CHN2: variants seen among roughly 807,000 people sequenced by gnomAD.
CHN2 encodes beta-chimaerin.
Under a neutral mutation model 56.3 loss-of-function variants are expected in CHN2, and 35 were observed. That is an observed-to-expected ratio of 0.62 (90% CI 0.47 to 0.82). The LOEUF (loss-of-function observed/expected upper bound fraction) is 0.82. Ranked by LOEUF, CHN2 falls within the 40% of genes least tolerant of loss-of-function variation. CHN2 has a pLI of 0.00. For missense variants in CHN2, 491 were observed against 580.5 expected (o/e 0.85, Z 1.58); for synonymous variants, 210 against 212.8 (o/e 0.99, Z 0.12).
At chr7:29,359,472 G>T (rs140214483) in intron 2 of CHN2, among the ~76,000 whole-genome samples, 1 of 152,120 alleles carries the variant, frequency 6.6e-6, no homozygotes, top group Non-Finnish European at 1.5e-5. Context: ...GATGGATAAG[G>T]TCGGCTGTTG....
chr7:29,344,009 C>T (rs1301331669), intron 1 of CHN2, among the ~76,000 whole-genome samples: 2 of 152,200 alleles, frequency 1.3e-5, no homozygotes, highest in Non-Finnish European at 2.9e-5. Flanking sequence ...ACTACCCATC[C>T]AGATGCTTAA....
At chr7:29,341,385 C>T (rs926363248) in intron 1 of CHN2, among the ~76,000 whole-genome samples, 1 of 152,162 alleles carries the variant, frequency 6.6e-6, no homozygotes, top group Non-Finnish European at 1.5e-5. Flanking sequence ...ATTAACCGCA[C>T]CAATTGTTAT....
chr7:29,316,513 C>G (rs919084470), intron 1 of CHN2, among the ~76,000 whole-genome samples: 5 of 152,148 alleles, frequency 3.3e-5, no homozygotes, highest in Admixed American at 2.6e-4. Flanking sequence ...TATTTTCTGA[C>G]ACAGTTCAGT....
intron 1 of CHN2, among the ~76,000 whole-genome samples, chr7:29,209,373 G>A (rs1045027258): frequency 2.0e-5 from 3 of 152,124 alleles, no homozygotes; most frequent in African/African-American, 7.2e-5. Context: ...TGAGAGCCAA[G>A]CAATTAGTGC....
chr7:29,298,874 T>TA (rs34520366), intron 1 of CHN2, among the ~76,000 whole-genome samples: 54 of 151,624 alleles, frequency 3.6e-4, no homozygotes, highest in South Asian at 1.7e-3. Context: ...TCATTTTTGT[T>TA]AAAAAAAAAA....
intron 1 of CHN2, among the ~76,000 whole-genome samples, chr7:29,224,752 A>G (rs951672617): frequency 5.3e-5 from 8 of 152,346 alleles, no homozygotes; most frequent in Middle Eastern, 6.8e-3. Flanking sequence ...TATAGTTGCT[A>G]AAGTGCTATT....
At chr7:29,462,040 C>G (rs981119386) in intron 6 of CHN2, among the ~76,000 whole-genome samples, 2 of 152,164 alleles carry the variant, frequency 1.3e-5, no homozygotes, top group Non-Finnish European at 2.9e-5. Flanking sequence ...GTACTTGGAA[C>G]AGTGTTTTTC....
At chr7:29,478,727 T>C (rs933436538) in intron 6 of CHN2, among the ~76,000 whole-genome samples, 1 of 152,206 alleles carries the variant, frequency 6.6e-6, no homozygotes, top group Non-Finnish European at 1.5e-5. Context: ...CTCACACCCA[T>C]ATGCTGCAGA....
chr7:29,321,331 G>A (rs558779599), intron 1 of CHN2, among the ~76,000 whole-genome samples: 3 of 152,226 alleles, frequency 2.0e-5, no homozygotes, highest in African/African-American at 4.8e-5. Flanking sequence ...CACATGGAAC[G>A]CACATGCCAG....
At chr7:29,171,182 A>G (rs1796560436) in intron 2 of CHN2, among the ~76,000 whole-genome samples, 1 of 152,180 alleles carries the variant, frequency 6.6e-6, no homozygotes, top group South Asian at 2.1e-4. Context: ...AACATTGCTT[A>G]CATACGCACT....
intron 2 of CHN2, among the ~76,000 whole-genome samples, chr7:29,174,962 AT>A (rs1311757688): frequency 6.6e-6 from 1 of 152,118 alleles, no homozygotes; most frequent in African/African-American, 2.4e-5. Context: ...AAATATAAAA[AT>A]TGTATTCATC....
intron 6 of CHN2, among the ~76,000 whole-genome samples, chr7:29,406,206 C>T (rs963483544): frequency 1.3e-5 from 2 of 152,132 alleles, no homozygotes; most frequent in Non-Finnish European, 2.9e-5. Context: ...AAGCCTGAGA[C>T]TGGGGTTTGG....
intron 3 of CHN2, among the ~76,000 whole-genome samples, chr7:29,382,129 A>G (rs993074559): frequency 6.6e-6 from 1 of 152,216 alleles, no homozygotes; most frequent in African/African-American, 2.4e-5. Flanking sequence ...GCTTAGAACA[A>G]TGCCTGGTAC....
At chr7:29,509,234 T>A (rs1790983407) in intron 11 of CHN2, 67 bp from the exon 12 acceptor site, 1 of 1,217,976 alleles carries the variant, frequency 8.2e-7, no homozygotes, top group African/African-American at 1.5e-5. Context: ...CAAAAACTTC[T>A]TGTTACTTCT....
intron 2 of CHN2, among the ~76,000 whole-genome samples, chr7:29,358,246 G>A (rs1798459758): frequency 6.6e-6 from 1 of 151,984 alleles, no homozygotes; most frequent in African/African-American, 2.4e-5. Context: ...AAGAAAATTT[G>A]TCTTAACCAG....
chr7:29,194,884 A>AGCG lies in CHN2; in HGVS notation c.-48_-46dup, dbSNP rs944512927. On this transcript the variant is annotated 5_prime_UTR_variant, in exon 1 of 13. Coordinates refer to ENST00000222792, the MANE Select transcript of CHN2 (RefSeq NM_004067.4). ...AGGCTGCGAGCGGCCGGGCGAGGGC[A>AGCG]GCGGCGGCGGCGTCCGCACCGGGGC... The AGCG allele has an allele frequency of 9.4e-6, 13 of 1,387,492 alleles. No individual in the cohort carries two copies. The highest frequency in any genetic ancestry group is 1.7e-5 in the South Asian group (1 of 59,126). The allele number at this position is 1,387,492 out of a possible 1,614,324, so 85.9% of individuals were successfully genotyped here. A position where few individuals can be genotyped will look rare whatever the true frequency, so the allele number is the denominator to read the frequency against.
chr7:29,175,529 C>T (rs920062642), intron 2 of CHN2, among the ~76,000 whole-genome samples: 2 of 152,104 alleles, frequency 1.3e-5, no homozygotes, highest in African/African-American at 2.4e-5. Context: ...CTCATACTCT[C>T]TTGCCTGCCG....
At chr7:29,247,487 C>G (rs1788162946) in intron 1 of CHN2, among the ~76,000 whole-genome samples, 1 of 152,204 alleles carries the variant, frequency 6.6e-6, no homozygotes, top group Admixed American at 6.5e-5. Context: ...GCCCACAGCC[C>G]TCCTTGACCT....
chr7:29,472,281 A>ACACACACACACACACACACACG (rs1554298692), intron 6 of CHN2, among the ~76,000 whole-genome samples: 4 of 143,622 alleles, frequency 2.8e-5, no homozygotes, highest in Admixed American at 7.0e-5. Context: ...ATACACACAC[A>ACACACACACACACACACACACG]CACACACACA....
Sources: gnomAD v4.1 joint callset for allele counts (sites outside exome capture counted in the v4.1 genomes callset) on GRCh38, gnomAD v4.1.1 for gene constraint, MANE v1.5 for transcripts, NCBI Gene and HGNC (gene_info 2026-07-23, HGNC 2026-07-21) for gene names.